LRRC75A: variants seen among roughly 807,000 people sequenced by gnomAD.
LRRC75A encodes the protein leucine-rich repeat-containing protein 75A.
In LRRC75A, 12 loss-of-function variants were observed where a neutral mutation model predicts 26.0. That is an observed-to-expected ratio of 0.46 (90% CI 0.30 to 0.75). The LOEUF is 0.75. Ranked by LOEUF, LRRC75A falls within the 30% of genes least tolerant of loss-of-function variation. The pLI is 0.08. For synonymous variants in LRRC75A, 223 were observed against 219.3 expected, an observed-to-expected ratio of 1.02 and a Z score of -0.15; for missense variants, 410 against 486.6, an observed-to-expected ratio of 0.84 and a Z score of 1.48.
intron 2 of LRRC75A, among the ~76,000 whole-genome samples, chr17:16,450,135 C>T (rs375933128): frequency 9.2e-5 from 14 of 152,282 alleles, no homozygotes; most frequent in African/African-American, 2.9e-4. Flanking sequence ...CCAGACATCA[C>T]GCAAGAAGGT....
chr17:16,452,440 T>C (rs1157315526), intron 2 of LRRC75A, among the ~76,000 whole-genome samples: 3 of 151,618 alleles, frequency 2.0e-5, no homozygotes, highest in Admixed American at 6.6e-5. Flanking sequence ...GGATTTTTTT[T>C]TTTTTCTTTT....
chr17:16,454,458 G>C (rs972685753), intron 2 of LRRC75A, among the ~76,000 whole-genome samples: 1 of 151,870 alleles, frequency 6.6e-6, no homozygotes, highest in African/African-American at 2.4e-5. Flanking sequence ...TTGGGAGGCA[G>C]AGGGGGGCGG....
At chr17:16,489,676 C>T (rs1228030659) in intron 1 of LRRC75A, among the ~76,000 whole-genome samples, 1 of 152,256 alleles carries the variant, frequency 6.6e-6, no homozygotes, top group Non-Finnish European at 1.5e-5. Flanking sequence ...CACTCCCACA[C>T]TGCTCAAGGC....
intron 3 of LRRC75A, among the ~76,000 whole-genome samples, chr17:16,446,200 T>A (rs1355095456): frequency 1.3e-5 from 2 of 152,222 alleles, no homozygotes; most frequent in South Asian, 4.1e-4. Context: ...TGAGCCACCG[T>A]GCCCAGCCCA....
intron 2 of LRRC75A, among the ~76,000 whole-genome samples, chr17:16,449,231 T>C (rs1291155668): frequency 6.6e-6 from 1 of 152,184 alleles, no homozygotes; most frequent in African/African-American, 2.4e-5. Flanking sequence ...CTCAACAGGC[T>C]GCTTTGTCAT....
chr17:16,473,603 G>C (rs942442562), intron 1 of LRRC75A, among the ~76,000 whole-genome samples: 8 of 152,184 alleles, frequency 5.3e-5, no homozygotes, highest in African/African-American at 1.7e-4. Flanking sequence ...GCAGAGGTCT[G>C]AGCCAAGAAA....
At chr17:16,479,767 G>C (rs898233097) in intron 1 of LRRC75A, among the ~76,000 whole-genome samples, 2 of 152,192 alleles carry the variant, frequency 1.3e-5, no homozygotes, top group African/African-American at 4.8e-5. Context: ...TTCAGGTCAT[G>C]GTCCTGCTCT....
At chr17:16,453,254 A>T (rs1159733869) in intron 2 of LRRC75A, among the ~76,000 whole-genome samples, 2 of 151,608 alleles carry the variant, frequency 1.3e-5, no homozygotes, top group Non-Finnish European at 2.9e-5. Flanking sequence ...GCGCCACTGA[A>T]CTCTGGCCTG....
At chr17:16,451,762 TGAGACGGAGTATCGCTCTGTCGCCCAG>T (rs1302249038) in intron 2 of LRRC75A, among the ~76,000 whole-genome samples, 1 of 150,324 alleles carries the variant, frequency 6.7e-6, no homozygotes, top group Non-Finnish European at 1.5e-5. Context: ...TTCTTTTTTT[TGAGACGGAGTATCGCTCTGTCGCCCAG>T]GATGGAGTGT....
chr17:16,450,245 G>A (rs544804395), intron 2 of LRRC75A, among the ~76,000 whole-genome samples: 17 of 152,348 alleles, frequency 1.1e-4, no homozygotes, highest in African/African-American at 3.8e-4. Context: ...TGGGCTTGGG[G>A]CTGATGGGAA....
intron 2 of LRRC75A, among the ~76,000 whole-genome samples, chr17:16,457,796 G>A (rs1157068199): frequency 2.5e-4 from 29 of 116,624 alleles, no homozygotes; most frequent in African/African-American, 5.3e-4. Context: ...TGAGTGCCCC[G>A]TCTCTACAAG....
chr17:16,471,678 C>A (rs2093806571), intron 1 of LRRC75A, among the ~76,000 whole-genome samples: 1 of 152,194 alleles, frequency 6.6e-6, no homozygotes, highest in African/African-American at 2.4e-5. Context: ...TATAGGATCC[C>A]CAAGGTGGTT....
chr17:16,453,056 C>T (rs1185957768), intron 2 of LRRC75A, among the ~76,000 whole-genome samples: 2 of 151,942 alleles, frequency 1.3e-5, no homozygotes, highest in African/African-American at 4.8e-5. Context: ...TTTGGGAGGC[C>T]GAGGCAGGCG....
At chr17:16,474,145 T>C (rs1306370250) in intron 1 of LRRC75A, among the ~76,000 whole-genome samples, 1 of 148,192 alleles carries the variant, frequency 6.7e-6, no homozygotes, top group East Asian at 2.1e-4. Context: ...TCCATGGTCA[T>C]GGCTCTGCCC....
rs903559052 is a variant in LRRC75A at position 16,491,586 on chromosome 17, G to A, written c.246+159C>T. Among the ~76,000 whole-genome samples the A allele has an allele frequency of 2.0e-5, 3 of 152,142 alleles. No homozygotes were observed. Among genetic ancestry groups the A allele is most frequent in the Admixed American group, 6.5e-5 (1 of 15,292 alleles). On this transcript the variant is annotated intron_variant, in intron 1 of 3. Transcript: ENST00000470794. The surrounding 1 kb of genome is among the most constrained non-coding windows in gnomAD (Gnocchi z 5.9). Reference sequence around the variant, plus strand: ...AGGCCCCACATTCAGCGGAAGCGCCGAGGCACCTGCTGCCAGACAGGGCTC... The same window carrying A: ...AGGCCCCACATTCAGCGGAAGCGCCAAGGCACCTGCTGCCAGACAGGGCTC...
intron 2 of LRRC75A, among the ~76,000 whole-genome samples, chr17:16,459,623 A>G (rs887506862): frequency 1.6e-4 from 24 of 152,304 alleles, no homozygotes; most frequent in Middle Eastern, 3.4e-3. Context: ...ATGTTCAGTG[A>G]GGTCCGTGTA....
At chr17:16,489,595 A>T (rs920049948) in intron 1 of LRRC75A, among the ~76,000 whole-genome samples, 2 of 152,240 alleles carry the variant, frequency 1.3e-5, no homozygotes, top group Admixed American at 1.3e-4. Flanking sequence ...CCAGCTGGAC[A>T]TTCCTCCAAA....
rs2093555790 is a variant in LRRC75A at position 16,443,827 on chromosome 17, T to G, written c.796A>C (p.Ile266Leu). 3 of 1,613,978 alleles carry G rather than the reference T, an allele frequency of 1.9e-6. No individual in the cohort carries two copies. Among genetic ancestry groups the G allele is most frequent in the Non-Finnish European group, 2.5e-6 (3 of 1,179,872 alleles). Residue 266 changes from isoleucine (I) to leucine (L), a missense_variant, in exon 4 of 4, where the codon ATT (isoleucine) becomes CTT (leucine). Transcript: ENST00000470794. ...ATGTCCACGTTGTTGCCCAGGTCAA[T>G]CCACGTGACATTGGGGAACTTGCTG... ...DPSKFPNVTW[I>L]DLGNNVDIFS...
intron 1 of LRRC75A, among the ~76,000 whole-genome samples, chr17:16,474,341 G>T (rs913666157): frequency 6.6e-6 from 1 of 152,224 alleles, no homozygotes; most frequent in African/African-American, 2.4e-5. Context: ...GGAACACAAA[G>T]AATTCAACAA....
Sources: gnomAD v4.1 joint callset for allele counts (sites outside exome capture counted in the v4.1 genomes callset) on GRCh38, gnomAD v4.1.1 for gene constraint, Gnocchi (gnomAD v3.1) non-coding constraint, MANE v1.5 for transcripts, NCBI Gene and HGNC (gene_info 2026-07-23, HGNC 2026-07-21) for gene names.